The following ANKRD11 variants were observed in gnomAD, a reference collection of about 807,000 sequenced individuals.
The protein encoded by ANKRD11 is ankyrin repeat domain-containing protein 11.
A neutral mutation model predicts 195.7 loss-of-function variants in ANKRD11; 17 were observed. That is an observed-to-expected ratio of 0.09 (90% CI 0.06 to 0.13). ANKRD11 has a LOEUF of 0.13. Ranked by LOEUF, ANKRD11 falls within the 10% of genes least tolerant of loss-of-function variation. ANKRD11 has a pLI of 1.00. For synonymous variants in ANKRD11, 1,953 were observed against 1,528.1 expected, an observed-to-expected ratio of 1.28 and a Z score of -6.49; for missense variants, 3,735 against 3,566.1, an observed-to-expected ratio of 1.05 and a Z score of -1.21.
chr16:89,299,219 T>C (rs561000473), intron 4 of ANKRD11: 108 of 170,710 alleles, frequency 6.3e-4, no homozygotes, highest in African/African-American at 2.3e-3. Context: ...AAGGAGATAG[T>C]GTGGAAGTGA....
chr16:89,325,297 G>A (rs1355194429), intron 2 of ANKRD11, among the ~76,000 whole-genome samples: 2 of 152,076 alleles, frequency 1.3e-5, no homozygotes, highest in Non-Finnish European at 2.9e-5. Context: ...AATTAGCCGG[G>A]CACTGTGGTG....
chr16:89,296,749 G>C (rs1272570237), intron 4 of ANKRD11, among the ~76,000 whole-genome samples: 1 of 152,242 alleles, frequency 6.6e-6, no homozygotes, highest in Non-Finnish European at 1.5e-5. Flanking sequence ...GGAGCCGGAA[G>C]GCCGGGATGA....
In ANKRD11 at chr16:89,285,391, G is replaced by T. The variant is rs2151765830; in HGVS notation, c.1151C>A (p.Pro384His). 6.2e-7 allele frequency: 1 copy of T among 1,613,994 alleles called. No homozygotes were observed. The highest frequency in any genetic ancestry group is 8.5e-7 in the Non-Finnish European group (1 of 1,180,002). Residue 384 changes from proline (P) to histidine (H), a missense_variant, in exon 9 of 13, where the codon CCC (proline) becomes CAC (histidine). Pro to His is a moderately conservative substitution (Grantham distance 77, BLOSUM62 -2). Coordinates refer to ENST00000301030, the MANE Select transcript of ANKRD11 (RefSeq NM_013275.6). This position sits in a 1 kb window ranked among gnomAD's most constrained non-coding sequence, Gnocchi z 5.6. ...ETKSNSFISI[P>H]KMEVKSYTKN... ...AGTGTAACTTTTAACCTCCATTTTG[G>T]GTATAGAGATAAAACTATTGGATTT... is the stretch of plus-strand genomic sequence containing the variant.
At chr16:89,432,604 A>G (rs1204128425) in intron 1 of ANKRD11, among the ~76,000 whole-genome samples, 1 of 151,942 alleles carries the variant, frequency 6.6e-6, no homozygotes, top group Non-Finnish European at 1.5e-5. Context: ...ATACTTCTCA[A>G]TATTCTTCAA....
chr16:89,384,443 G>C (rs998803060), intron 2 of ANKRD11, among the ~76,000 whole-genome samples: 4 of 152,026 alleles, frequency 2.6e-5, no homozygotes, highest in Non-Finnish European at 5.9e-5. Flanking sequence ...AGGCAGAGCA[G>C]AACGGGATGG....
chr16:89,438,917 G>C (rs2043329181), intron 1 of ANKRD11, among the ~76,000 whole-genome samples: 2 of 151,964 alleles, frequency 1.3e-5, no homozygotes, highest in Admixed American at 6.6e-5. Flanking sequence ...GCTGAGATGG[G>C]AGACTGCTTG....
intron 2 of ANKRD11, among the ~76,000 whole-genome samples, chr16:89,371,128 G>A (rs1264870272): frequency 6.6e-6 from 1 of 152,170 alleles, no homozygotes; most frequent in African/African-American, 2.4e-5. Flanking sequence ...AAGACGGGAC[G>A]AGCGTCTTGA....
intron 1 of ANKRD11, among the ~76,000 whole-genome samples, chr16:89,463,978 C>A (rs2056793343): frequency 6.6e-6 from 1 of 152,226 alleles, no homozygotes; most frequent in African/African-American, 2.4e-5. Context: ...GTGGTTCACA[C>A]CTGTAATCCC....
chr16:89,466,723 T>C (rs1295131570), intron 1 of ANKRD11, among the ~76,000 whole-genome samples: 1 of 152,252 alleles, frequency 6.6e-6, no homozygotes, highest in East Asian at 1.9e-4. Context: ...TTAAAAGCTG[T>C]TGAACTGTAT....
chr16:89,414,948 T>C (rs892870151), intron 2 of ANKRD11, among the ~76,000 whole-genome samples: 6 of 152,158 alleles, frequency 3.9e-5, no homozygotes, highest in Admixed American at 2.0e-4. Context: ...GTAACATTCT[T>C]ATTCTTCTTT....
At chr16:89,348,312 T>C (rs189046908) in intron 2 of ANKRD11, among the ~76,000 whole-genome samples, 54 of 152,320 alleles carry the variant, frequency 3.5e-4, no homozygotes, top group Middle Eastern at 3.4e-3. Context: ...GTACACTACA[T>C]TGATTTTTAA....
At chr16:89,317,883 C>T (rs973288362) in intron 2 of ANKRD11, among the ~76,000 whole-genome samples, 1 of 152,188 alleles carries the variant, frequency 6.6e-6, no homozygotes, top group African/African-American at 2.4e-5. Context: ...TCCCATGCAA[C>T]CCAATCACCT....
At chr16:89,345,060 G>A (rs995327670) in intron 2 of ANKRD11, among the ~76,000 whole-genome samples, 9 of 152,138 alleles carry the variant, frequency 5.9e-5, no homozygotes, top group Non-Finnish European at 1.3e-4. Context: ...AGCCCAGCTC[G>A]GATGGTTTCT....
At chr16:89,377,753 G>T (rs926467528) in intron 2 of ANKRD11, among the ~76,000 whole-genome samples, 1 of 152,140 alleles carries the variant, frequency 6.6e-6, no homozygotes, top group Non-Finnish European at 1.5e-5. Context: ...AAAGCCAACA[G>T]TGAGGGAGGA....
intron 4 of ANKRD11, among the ~76,000 whole-genome samples, chr16:89,293,441 G>A (rs1937433186): frequency 6.6e-6 from 1 of 150,402 alleles, no homozygotes; most frequent in South Asian, 2.1e-4. Flanking sequence ...CAGAGTTGGG[G>A]TTGCGGAGGG....
At chr16:89,441,595 AC>A (rs1303742120) in intron 1 of ANKRD11, among the ~76,000 whole-genome samples, 1 of 151,496 alleles carries the variant, frequency 6.6e-6, no homozygotes, top group African/African-American at 2.4e-5. Context: ...GTAAAACCCC[AC>A]CTCTACTAAA....
intron 2 of ANKRD11, among the ~76,000 whole-genome samples, chr16:89,376,381 G>A (rs914631370): frequency 6.6e-6 from 1 of 152,188 alleles, no homozygotes; most frequent in Non-Finnish European, 1.5e-5. Flanking sequence ...TAGCAGATGA[G>A]GTCCCAGACA....
Position 89,400,076 on chromosome 16 carries a change from T to C in ANKRD11, c.-60+18208A>G, listed in dbSNP as rs1417296338. Among the ~76,000 whole-genome samples the C allele has an allele frequency of 8.5e-4, 66 of 77,414 alleles. 4 individuals are homozygous for C. Among genetic ancestry groups the C allele is most frequent in the Admixed American group, 2.8e-3 (21 of 7,434 alleles). The allele number at this position is 77,414 out of a possible 152,430, so 50.8% of individuals were successfully genotyped here. ...GCTTCCCTGCGCTGGGGGCCGGTCA[T>C]CTGCTGCCCCAGGCTTCCCTGCGCT... On this transcript the variant is annotated intron_variant, in intron 2 of 12. Transcript: ENST00000301030.
rs2040706908 is a variant in ANKRD11 at position 89,382,537 on chromosome 16, G to A, written c.-60+35747C>T. On this transcript the variant is annotated intron_variant, in intron 2 of 12. Coordinates refer to ENST00000301030, the MANE Select transcript of ANKRD11 (RefSeq NM_013275.6). ...AGACGGGATTTCACCATGTTGGCCA[G>A]GCTGGTCTCGAACTCCTGACCTCAA... Among the ~76,000 whole-genome samples, 4 of 152,106 alleles carry A rather than the reference G, an allele frequency of 2.6e-5. No homozygotes were observed. In the South Asian group the frequency reaches 8.3e-4, roughly 32 times the overall value.
Sources: allele counts gnomAD v4.1 joint callset (sites outside exome capture counted in the v4.1 genomes callset), GRCh38; gene constraint gnomAD v4.1.1; non-coding constraint Gnocchi (gnomAD v3.1); transcripts MANE v1.5; gene names NCBI Gene and HGNC (gene_info 2026-07-23, HGNC 2026-07-21).